The following SDAD1 variants were observed in gnomAD, a reference collection of about 807,000 sequenced individuals.
SDAD1 encodes the protein protein SDA1 homolog.
A neutral mutation model predicts 100.3 loss-of-function variants in SDAD1; 79 were observed. That is an observed-to-expected ratio of 0.79 (90% CI 0.66 to 0.95). SDAD1 has a LOEUF of 0.95. Among genes scored for constraint, SDAD1 ranks in the 40% least tolerant of loss-of-function variants. The probability of loss-of-function intolerance (pLI) is 0.00; values close to 1 mark genes in which losing one functional copy is unlikely to be tolerated. For synonymous variants in SDAD1, 267 were observed against 271.4 expected (o/e 0.98, Z 0.16); for missense variants, 790 against 810.9 (o/e 0.97, Z 0.31).
chr4:75,966,264 G>GCACA (rs1553918825), intron 12 of SDAD1, among the ~76,000 whole-genome samples: 2 of 107,886 alleles, frequency 1.9e-5, no homozygotes, highest in East Asian at 6.3e-4. Flanking sequence ...CTGAATGAAT[G>GCACA]CATACACACA....
In SDAD1 at chr4:75,975,844, C is replaced by T. The variant is rs754533621; in HGVS notation, c.478G>A (p.Val160Ile). The T allele has an allele frequency of 4.3e-6, 7 of 1,613,052 alleles. No individual in the cohort carries two copies. The highest frequency in any genetic ancestry group is 5.9e-6 in the Non-Finnish European group (7 of 1,179,268). Residue 160 changes from valine (V) to isoleucine (I), a missense_variant and splice_region_variant, in exon 6 of 22, where the codon GTA (valine) becomes ATA (isoleucine). Val to Ile is a conservative substitution (Grantham distance 29, BLOSUM62 3). Transcript: ENST00000356260. ...AKHKNNKVNVVLQNFMYTMLR... is the reference protein window; with the variant it reads ...AKHKNNKVNVILQNFMYTMLR... The stretch of plus-strand genomic sequence containing the variant: ...ATGGTGTACATGAAATTTTGCAATA[C>T]CTGCAGAAAAGGAGGAGAAAGAAGA...
chr4:75,971,222 G>C (rs1474152476), intron 9 of SDAD1, 135 bp downstream of exon 9: 2 of 619,148 alleles, frequency 3.2e-6, no homozygotes, highest in African/African-American at 3.7e-5. Flanking sequence ...AAATATTAGT[G>C]CTTAAAAATT....
chr4:75,983,430 T>A (rs1484625665), intron 1 of SDAD1, among the ~76,000 whole-genome samples: 1 of 152,242 alleles, frequency 6.6e-6, no homozygotes, highest in Admixed American at 6.5e-5. Flanking sequence ...GAGTTCCTAT[T>A]TCTCCACATC....
chr4:75,951,415 G>C (rs890797079), intron 21 of SDAD1, among the ~76,000 whole-genome samples: 8 of 152,186 alleles, frequency 5.3e-5, no homozygotes, highest in African/African-American at 1.7e-4. Context: ...TATTAACTCA[G>C]AAATTGAAGC....
intron 16 of SDAD1, among the ~76,000 whole-genome samples, chr4:75,960,826 A>G (rs1857821): frequency 0.22 from 33,742 of 152,146 alleles, 4,194 homozygotes; most frequent in East Asian, 0.37. Flanking sequence ...TTCAAGACAC[A>G]GTCATCATCA....
At chr4:75,955,417 A>G (rs1728833938) in intron 21 of SDAD1, among the ~76,000 whole-genome samples, 1 of 152,070 alleles carries the variant, frequency 6.6e-6, no homozygotes, top group Non-Finnish European at 1.5e-5. Flanking sequence ...CTTGGGAACA[A>G]AGAAAGAGCC....
At chr4:75,976,227 G>A (rs576265813) in intron 4 of SDAD1, among the ~76,000 whole-genome samples, 31 of 152,218 alleles carry the variant, frequency 2.0e-4, no homozygotes, top group African/African-American at 6.7e-4. Flanking sequence ...AATTCTCCTA[G>A]GTATATATCC....
intron 1 of SDAD1, among the ~76,000 whole-genome samples, chr4:75,985,525 T>G (rs1262807900): frequency 6.6e-6 from 1 of 152,216 alleles, no homozygotes; most frequent in Admixed American, 6.5e-5. Flanking sequence ...CTCCTTGTAG[T>G]CATCTAAAGA....
At chr4:75,989,764 A>G (rs1578157927) in intron 1 of SDAD1, among the ~76,000 whole-genome samples, 1 of 152,100 alleles carries the variant, frequency 6.6e-6, no homozygotes, top group African/African-American at 2.4e-5. Context: ...CCTACTCTTT[A>G]TTTCCACTAC....
intron 1 of SDAD1, among the ~76,000 whole-genome samples, chr4:75,984,762 T>TAC (rs796775726): frequency 6.9e-5 from 5 of 72,892 alleles, no homozygotes; most frequent in East Asian, 6.2e-4. Context: ...TTATGTGACA[T>TAC]ACACACACAC....
At chr4:75,959,118 A>ACC (rs1560537790) in intron 17 of SDAD1, among the ~76,000 whole-genome samples, 3 of 148,806 alleles carry the variant, frequency 2.0e-5, no homozygotes, top group African/African-American at 7.6e-5. Context: ...AAAAAAAAAA[A>ACC]AAAAAAAAAA....
At chr4:75,965,201 T>C (rs1729468565) in intron 13 of SDAD1, among the ~76,000 whole-genome samples, 3 of 152,138 alleles carry the variant, frequency 2.0e-5, no homozygotes, top group African/African-American at 7.2e-5. Context: ...ACATCTGTCT[T>C]TTAAGGTTGT....
rs760110246 is a variant in SDAD1 at position 75,957,673 on chromosome 4, C to T, written c.1614G>A (p.Arg538=). ...TGCTGATGGCTGCAGCTTTGGCCTTCCGCTCCTCCATGGGCATGCTGTTCA... is the reference window on the plus strand; with the variant it reads ...TGCTGATGGCTGCAGCTTTGGCCTTTCGCTCCTCCATGGGCATGCTGTTCA... The part of the protein sequence containing the change: ...KKLNSMPMEE[R]KAKAAAISTS... Residue 538 remains arginine (R), a synonymous_variant, in exon 19 of 22, where the codon CGG becomes CGA. Coordinates refer to ENST00000356260, the MANE Select transcript of SDAD1 (RefSeq NM_018115.4). 1 of 1,614,174 alleles carries T rather than the reference C, an allele frequency of 6.2e-7. No individual in the cohort carries two copies. The highest frequency in any genetic ancestry group is 8.5e-7 in the Non-Finnish European group (1 of 1,180,046).
intron 1 of SDAD1, among the ~76,000 whole-genome samples, chr4:75,986,341 C>G (rs989845908): frequency 1.3e-5 from 2 of 152,156 alleles, no homozygotes; most frequent in South Asian, 2.1e-4. Flanking sequence ...AGTCCCTTCA[C>G]TTTCCCACTT....
At chr4:75,954,427 C>T (rs116072327) in intron 21 of SDAD1, among the ~76,000 whole-genome samples, 1 of 151,528 alleles carries the variant, frequency 6.6e-6, no homozygotes, top group Non-Finnish European at 1.5e-5. Context: ...AATCCTAGCG[C>T]TATGGGAGGC....
chr4:75,974,118 A>T lies in SDAD1; in HGVS notation c.594T>A (p.Thr198=). The T allele has an allele frequency of 2.5e-6, 4 of 1,613,746 alleles. No homozygotes were observed. Among genetic ancestry groups the T allele is most frequent in the Non-Finnish European group, 3.4e-6 (4 of 1,179,756 alleles). ...AACATGCAGTTGTGATAACATTGAC[A>T]GTTTTTGCATCATTCCTGGGGGAAG... ...YRRNIWNDAK[T]VNVITTACFS... is the part of the protein sequence containing the mutation. Residue 198 remains threonine (T), a synonymous_variant, in exon 7 of 22, where the codon ACT becomes ACA. Coordinates refer to ENST00000356260, the MANE Select transcript of SDAD1 (RefSeq NM_018115.4).
intron 1 of SDAD1, among the ~76,000 whole-genome samples, chr4:75,989,066 A>G (rs962928080): frequency 6.6e-6 from 1 of 151,540 alleles, no homozygotes; most frequent in Non-Finnish European, 1.5e-5. Context: ...CTCTTCAATC[A>G]CTCCCCGAGG....
chr4:75,960,538 A>G (rs1299510147), intron 16 of SDAD1, among the ~76,000 whole-genome samples: 1 of 152,350 alleles, frequency 6.6e-6, no homozygotes, highest in East Asian at 1.9e-4. Flanking sequence ...ATAAATCCCC[A>G]GCCAGCAATC....
At chr4:75,982,856 T>A (rs1578147012) in intron 1 of SDAD1, among the ~76,000 whole-genome samples, 1 of 152,146 alleles carries the variant, frequency 6.6e-6, no homozygotes, top group East Asian at 1.9e-4. Flanking sequence ...GCAGGTTTGT[T>A]ACACAGGTAT....
Sources: gnomAD v4.1 joint callset for allele counts (sites outside exome capture counted in the v4.1 genomes callset) on GRCh38, gnomAD v4.1.1 for gene constraint, MANE v1.5 for transcripts, NCBI Gene and HGNC (gene_info 2026-07-23, HGNC 2026-07-21) for gene names.